The following HELZ variants were observed in gnomAD, a reference collection of about 807,000 sequenced individuals.
HELZ encodes helicase with zinc finger, also known as ATP-dependent RNA helicase with zinc finger domain.
A neutral mutation model predicts 218.2 loss-of-function variants in HELZ; 23 were observed. The observed-to-expected ratio is 0.11, with a 90% confidence interval of 0.08 to 0.15. The LOEUF (loss-of-function observed/expected upper bound fraction) is 0.15, where lower values mean the gene tolerates loss of function less well. Among genes scored for constraint, HELZ ranks in the 10% least tolerant of loss-of-function variants. The probability of loss-of-function intolerance (pLI) is 1.00; values close to 1 mark genes in which losing one functional copy is unlikely to be tolerated. For synonymous variants in HELZ, 814 were observed against 829.4 expected (o/e 0.98, Z 0.32); for missense variants, 1,813 against 2,353.7 (o/e 0.77, Z 4.75).
chr17:67,086,615 AATAAAT>A lies in HELZ; in HGVS notation c.5494+208_5494+213del, dbSNP rs937505131. ...ATACATATATTAATATATATATATA[AATAAAT>A]ATAAATATAAATATATATATATATA... On this transcript the variant is annotated intron_variant, in intron 32 of 32. Transcript: ENST00000358691. Among the ~76,000 whole-genome samples the A allele has an allele frequency of 1.9e-3, 187 of 100,188 alleles. 1 individual carries two copies. The highest frequency in any genetic ancestry group is 2.9e-3 in the African/African-American group (68 of 23,522). 65.7% of individuals were successfully genotyped at this position (100,188 alleles called of 152,430 possible). A position where few individuals can be genotyped will look rare whatever the true frequency, so the allele number is the denominator to read the frequency against.
At chr17:67,140,059 T>C (rs890638448) in intron 21 of HELZ, among the ~76,000 whole-genome samples, 9 of 152,188 alleles carry the variant, frequency 5.9e-5, no homozygotes, top group African/African-American at 2.2e-4. Context: ...TCTAGCTTCC[T>C]AGGACAGAAG....
Position 67,108,692 on chromosome 17 carries a change from T to C in HELZ, c.4524A>G (p.Leu1508=). 1 of 1,613,124 alleles carries C rather than the reference T, an allele frequency of 6.2e-7. No individual in the cohort carries two copies. Among genetic ancestry groups the C allele is most frequent in the Non-Finnish European group, 8.5e-7 (1 of 1,179,194 alleles). The part of the protein sequence containing the change: ...RIHGSVALET[L]RQQQARFQQW... ...GCTGGAACCGTGCCTGCTGCTGCCTTAATGTTTCCAGAGCGACACTCCCAT... is the reference window on the plus strand; with the variant it reads ...GCTGGAACCGTGCCTGCTGCTGCCTCAATGTTTCCAGAGCGACACTCCCAT... Residue 1508 remains leucine, a synonymous_variant, in exon 30 of 33, where the codon TTA becomes TTG. Transcript: ENST00000358691. The surrounding 1 kb of genome is among the most constrained non-coding windows in gnomAD (Gnocchi z 4.1).
At chr17:67,236,361 C>T (rs1598481522) in intron 3 of HELZ, among the ~76,000 whole-genome samples, 1 of 152,014 alleles carries the variant, frequency 6.6e-6, no homozygotes, top group South Asian at 2.1e-4. Flanking sequence ...AACAGTAGGA[C>T]AATATATGTG....
At chr17:67,175,703 C>A (rs568448147) in intron 13 of HELZ, among the ~76,000 whole-genome samples, 147 of 152,290 alleles carry the variant, frequency 9.7e-4, no homozygotes, top group Non-Finnish European at 1.8e-3. Context: ...CCTTCATATC[C>A]AGGGTTACCT....
At chr17:67,181,984 C>T (rs1236564225) in intron 12 of HELZ, among the ~76,000 whole-genome samples, 1 of 137,872 alleles carries the variant, frequency 7.3e-6, no homozygotes, top group Non-Finnish European at 1.6e-5. Flanking sequence ...GATGTGGGTC[C>T]CTTATGGGGA....
At chr17:67,147,155 G>T (rs1386149305) in intron 20 of HELZ, among the ~76,000 whole-genome samples, 1 of 152,104 alleles carries the variant, frequency 6.6e-6, no homozygotes, top group Non-Finnish European at 1.5e-5. Context: ...ATTACAGCAT[G>T]TAGCTTTTCA....
chr17:67,227,469 G>A (rs2040925189), intron 3 of HELZ, among the ~76,000 whole-genome samples: 1 of 152,130 alleles, frequency 6.6e-6, no homozygotes, highest in African/African-American at 2.4e-5. Context: ...TTACAGGTGT[G>A]AGCCACCACA....
chr17:67,142,160 G>C (rs1443666690), intron 21 of HELZ, among the ~76,000 whole-genome samples: 2 of 151,984 alleles, frequency 1.3e-5, no homozygotes, highest in Admixed American at 1.3e-4. Flanking sequence ...ATGAGACATA[G>C]AGAAAAAAAG....
At chr17:67,178,181 A>T (rs2039511498) in intron 13 of HELZ, among the ~76,000 whole-genome samples, 1 of 152,190 alleles carries the variant, frequency 6.6e-6, no homozygotes, top group Admixed American at 6.5e-5. Flanking sequence ...ATAAAATGTA[A>T]AATATGTTAA....
At chr17:67,149,085 G>A (rs1333835855) in intron 19 of HELZ, among the ~76,000 whole-genome samples, 12 of 152,162 alleles carry the variant, frequency 7.9e-5, no homozygotes, top group Admixed American at 7.2e-4. Context: ...TAAATGATGA[G>A]CTGGTAGGAC....
In HELZ at chr17:67,194,177, CTCTACCAAAAAGTAA is replaced by C. The variant is rs1819182682; in HGVS notation, c.482-150_482-136del. On this transcript the variant is annotated intron_variant, in intron 8 of 32. Coordinates refer to ENST00000358691, the MANE Select transcript of HELZ (RefSeq NM_014877.4). The stretch of plus-strand genomic sequence containing the variant: ...GTAAAAAAGAACATGACATACTTGC[CTCTACCAAAAAGTAA>C]TCTACCAATCAACTACATAAAACAT... 3 of 632,416 alleles carry C rather than the reference CTCTACCAAAAAGTAA, an allele frequency of 4.7e-6. No homozygotes were observed. The South Asian group carries it at 6.3e-5, about 13-fold the overall frequency. The allele number at this position is 632,416 out of a possible 1,614,324, so 39.2% of individuals were successfully genotyped here. A position where few individuals can be genotyped will look rare whatever the true frequency, so the allele number is the denominator to read the frequency against.
At position 67,073,897 on chromosome 17, in the gene HELZ, G is replaced by A. The variant is rs1343548829; in HGVS notation, c.*4355C>T. The A allele has an allele frequency of 6.6e-6, 1 of 152,110 alleles. No individual in the cohort carries two copies. Among genetic ancestry groups the A allele is most frequent in the Admixed American group, 6.5e-5 (1 of 15,272 alleles). 9.4% of individuals were successfully genotyped at this position (152,110 alleles called of 1,614,324 possible). A position where few individuals can be genotyped will look rare whatever the true frequency, so the allele number is the denominator to read the frequency against. On this transcript the variant is annotated 3_prime_UTR_variant, in exon 33 of 33. Transcript: ENST00000358691. ...TAAATGTCCATCCTCAAGCAGATGGGAAATGTGAGGAGCATATCATAATGA... is the reference window on the plus strand; with the variant it reads ...TAAATGTCCATCCTCAAGCAGATGGAAAATGTGAGGAGCATATCATAATGA...
chr17:67,188,752 A>G lies in HELZ; in HGVS notation c.865-136T>C, dbSNP rs976949598. ...CTAAGATACTATAGCCATTTAAGAA[A>G]AAAATCAGAATGGTTTTTTAAAATC... On this transcript the variant is annotated intron_variant, in intron 11 of 32. Coordinates refer to ENST00000358691, the MANE Select transcript of HELZ (RefSeq NM_014877.4). The surrounding 1 kb of genome is among the most constrained non-coding windows in gnomAD (Gnocchi z 4.1). The G allele has an allele frequency of 1.5e-6, 1 of 648,586 alleles. No homozygotes were observed. Among genetic ancestry groups the G allele is most frequent in the African/African-American group, 1.8e-5 (1 of 54,840 alleles). 40.2% of individuals were successfully genotyped at this position (648,586 alleles called of 1,614,324 possible).
intron 8 of HELZ, among the ~76,000 whole-genome samples, chr17:67,194,898 C>CA (rs961067825): frequency 2.7e-5 from 4 of 150,564 alleles, no homozygotes; most frequent in African/African-American, 7.5e-5. Context: ...CATCACCTGT[C>CA]AAAAAGATGC....
At position 67,128,045 on chromosome 17, in the gene HELZ, G is replaced by A. The variant is rs533255989; in HGVS notation, c.3387+606C>T. ...TTTCAGGCACTCTAGCAAATAAGCC[G>A]GCTGTCTCTGTCCAAAATAACTATA... On this transcript the variant is annotated intron_variant, in intron 24 of 32. Transcript: ENST00000358691. 2.6e-5 allele frequency among the ~76,000 whole-genome samples: 4 copies of A among 152,196 alleles called. No individual in the cohort carries two copies. In the South Asian group the frequency reaches 6.2e-4, roughly 24 times the overall value.
At chr17:67,135,622 A>G (rs1460559119) in intron 23 of HELZ, among the ~76,000 whole-genome samples, 1 of 152,210 alleles carries the variant, frequency 6.6e-6, no homozygotes, top group Non-Finnish European at 1.5e-5. Flanking sequence ...GTTTACGGTA[A>G]TCTTCCTCTC....
At chr17:67,119,988 C>CTTTTGTTTT in intron 27 of HELZ, 1 of 161,622 alleles carries the variant, frequency 6.2e-6, no homozygotes, top group South Asian at 6.2e-5. Flanking sequence ...GATTCTCTCC[C>CTTTTGTTTT]TTTTCTTTTT....
At chr17:67,245,106 G>C in intron 1 of HELZ, 42 bp downstream of exon 1, 2 of 984,864 alleles carry the variant, frequency 2.0e-6, no homozygotes, top group Non-Finnish European at 2.4e-6. Context: ...GGGAGCTCGC[G>C]GAGCGGCCCC....
intron 12 of HELZ, among the ~76,000 whole-genome samples, chr17:67,182,160 G>A (rs887538391): frequency 6.6e-6 from 1 of 152,172 alleles, no homozygotes; most frequent in African/African-American, 2.4e-5. Context: ...ATTGAGAAGT[G>A]GCCAGGCGCA....
Sources: gnomAD v4.1 joint callset for allele counts (sites outside exome capture counted in the v4.1 genomes callset) on GRCh38, gnomAD v4.1.1 for gene constraint, Gnocchi (gnomAD v3.1) non-coding constraint, MANE v1.5 for transcripts, NCBI Gene and HGNC (gene_info 2026-07-23, HGNC 2026-07-21) for gene names.